NRP1: variants seen among roughly 807,000 people sequenced by gnomAD.
NRP1 encodes neuropilin-1.
NRP1 carries 35 observed loss-of-function variants against 106.7 expected under a neutral mutation model. That is an observed-to-expected ratio of 0.33 (90% CI 0.25 to 0.43). The LOEUF (loss-of-function observed/expected upper bound fraction) is 0.43. Ranked by LOEUF, NRP1 falls within the 20% of genes least tolerant of loss-of-function variation. The probability of loss-of-function intolerance (pLI) is 1.00; values close to 1 mark genes in which losing one functional copy is unlikely to be tolerated. For synonymous variants in NRP1, 437 were observed against 417.9 expected (o/e 1.05, Z -0.56); for missense variants, 1,024 against 1,170.4 (o/e 0.87, Z 1.83).
intron 8 of NRP1, among the ~76,000 whole-genome samples, chr10:33,215,553 A>G (rs1564390404): frequency 6.6e-6 from 1 of 152,216 alleles, no homozygotes; most frequent in Non-Finnish European, 1.5e-5. Context: ...TCCTTTAGAA[A>G]CTGTACATCC....
intron 3 of NRP1, among the ~76,000 whole-genome samples, chr10:33,269,823 C>T (rs377365728): frequency 3.3e-5 from 5 of 152,306 alleles, no homozygotes; most frequent in Admixed American, 6.5e-5. Flanking sequence ...ACTCCTTATA[C>T]GAGAATCTAA....
chr10:33,294,748 T>A (rs2132655097), intron 2 of NRP1, among the ~76,000 whole-genome samples: 1 of 152,090 alleles, frequency 6.6e-6, no homozygotes, highest in African/African-American at 2.4e-5. Context: ...CCCTGAAGGG[T>A]TCACCAGGCG....
rs139187411 is a variant in NRP1 at position 33,226,191 on chromosome 10, G to A, written c.1080C>T (p.Ile360=). The change falls in exon 7 of 17, where the codon ATC becomes ATT. Residue 360 remains isoleucine, a synonymous_variant. Coordinates refer to ENST00000374867, the MANE Select transcript of NRP1 (RefSeq NM_003873.7). ...KKKYYVKTYK[I]DVSSNGEDWI... ...AGTCTTCCCCGTTGGAGCTAACGTC[G>A]ATCTTGTAAGTCTTGACATAATATT... 1.9e-5 allele frequency: 31 copies of A among 1,613,982 alleles called. No individual in the cohort carries two copies. Among genetic ancestry groups the A allele is most frequent in the African/African-American group, 9.3e-5 (7 of 74,886 alleles).
In NRP1 at chr10:33,298,238, G is replaced by C. The variant is rs548004963; in HGVS notation, c.249-27382C>G. Among the ~76,000 whole-genome samples, 9 of 152,234 alleles carry C rather than the reference G, an allele frequency of 5.9e-5. No individual in the cohort carries two copies. In the South Asian group the frequency reaches 1.5e-3, roughly 25 times the overall value. On this transcript the variant is annotated intron_variant, in intron 2 of 16. Transcript: ENST00000374867. ...ACTGGGTGACTAGTGACTCCCTGCTGGGTAATCAGGTAGACCTCTGTCATC... is the reference window on the plus strand; with the variant it reads ...ACTGGGTGACTAGTGACTCCCTGCTCGGTAATCAGGTAGACCTCTGTCATC...
At chr10:33,247,911 C>T (rs1045569853) in intron 6 of NRP1, among the ~76,000 whole-genome samples, 7 of 152,214 alleles carry the variant, frequency 4.6e-5, no homozygotes, top group African/African-American at 1.7e-4. Flanking sequence ...CCCCACTGGG[C>T]CTCAGTTTTC....
Position 33,334,416 on chromosome 10 carries a change from A to G in NRP1, c.-34T>C. 6.5e-7 allele frequency: 1 copy of G among 1,529,180 alleles called. No individual in the cohort carries two copies. The allele number at this position is 1,529,180 out of a possible 1,614,324, so 94.7% of individuals were successfully genotyped here. A position where few individuals can be genotyped will look rare whatever the true frequency, so the allele number is the denominator to read the frequency against. ...CTCCGGGTCCGCAGGCAGACGCGGG[A>G]GAACGAGGACGTGGGGGGAAATGCA... On this transcript the variant is annotated 5_prime_UTR_variant, in exon 1 of 17. Coordinates refer to ENST00000374867, the MANE Select transcript of NRP1 (RefSeq NM_003873.7).
At chr10:33,211,265 C>T (rs1207836933) in intron 9 of NRP1, 1 of 152,158 alleles carries the variant, frequency 6.6e-6, no homozygotes, top group Non-Finnish European at 1.5e-5. Flanking sequence ...CTTTCTCTCT[C>T]AGAGCCCTAG....
intron 16 of NRP1, among the ~76,000 whole-genome samples, chr10:33,180,926 T>C (rs145053652): frequency 6.6e-6 from 1 of 152,314 alleles, no homozygotes; most frequent in African/African-American, 2.4e-5. Context: ...GAAGGAGTGA[T>C]TTTTTAGAAC....
intron 3 of NRP1, among the ~76,000 whole-genome samples, chr10:33,270,000 A>G (rs1843189138): frequency 1.3e-5 from 2 of 152,172 alleles, no homozygotes; most frequent in Non-Finnish European, 2.9e-5. Context: ...AATAAATGTA[A>G]TGCACTTGAA....
intron 6 of NRP1, among the ~76,000 whole-genome samples, chr10:33,228,630 T>A (rs998035079): frequency 2.6e-5 from 4 of 152,156 alleles, no homozygotes; most frequent in Non-Finnish European, 5.9e-5. Flanking sequence ...TAAATCAACA[T>A]GTTGTCTACA....
At chr10:33,246,129 T>TC in intron 6 of NRP1, among the ~76,000 whole-genome samples, 1 of 135,240 alleles carries the variant, frequency 7.4e-6, no homozygotes, top group East Asian at 3.0e-4. Flanking sequence ...GTAATTTCTT[T>TC]CTTTTTTTTT....
At chr10:33,303,392 A>C (rs1276796284) in intron 2 of NRP1, among the ~76,000 whole-genome samples, 2 of 152,184 alleles carry the variant, frequency 1.3e-5, no homozygotes, top group Non-Finnish European at 2.9e-5. Flanking sequence ...TCCATTTACT[A>C]TCTCATTATT....
intron 4 of NRP1, among the ~76,000 whole-genome samples, chr10:33,260,880 GGTT>G (rs1368841864): frequency 6.6e-6 from 1 of 151,578 alleles, no homozygotes; most frequent in East Asian, 1.9e-4. Context: ...CACGCCTTCT[GGTT>G]GTTGTTTTTG....
intron 2 of NRP1, among the ~76,000 whole-genome samples, chr10:33,281,908 G>C (rs1400626075): frequency 2.0e-5 from 3 of 152,178 alleles, no homozygotes; most frequent in African/African-American, 7.2e-5. Context: ...ACAGGCTATA[G>C]TGTAGGTAGT....
At chr10:33,226,393 A>C (rs779457719) in intron 6 of NRP1, 104 bp from the exon 7 acceptor site, 2 of 1,245,228 alleles carry the variant, frequency 1.6e-6, no homozygotes. Flanking sequence ...TCCACCTGGG[A>C]TCAACAGGGC....
At chr10:33,216,648 C>T (rs1314550026) in intron 8 of NRP1, among the ~76,000 whole-genome samples, 1 of 150,768 alleles carries the variant, frequency 6.6e-6, no homozygotes, top group Non-Finnish European at 1.5e-5. Flanking sequence ...CGCTATGTTG[C>T]CCAGGCTGCT....
At position 33,186,624 on chromosome 10, in the gene NRP1, G is replaced by A. The variant is rs922090896; in HGVS notation, c.2063-136C>T. The A allele has an allele frequency of 8.7e-6, 9 of 1,036,710 alleles. No homozygotes were observed. The African/African-American group carries it at 9.6e-5, about 11-fold the overall frequency. 64.2% of individuals were successfully genotyped at this position (1,036,710 alleles called of 1,614,324 possible). A position where few individuals can be genotyped will look rare whatever the true frequency, so the allele number is the denominator to read the frequency against. On this transcript the variant is annotated intron_variant, in intron 13 of 16. Transcript: ENST00000374867. ...CCAAATACGTAGTGGAAAGGGATAA[G>A]TGTGCACACTTGGGGACCTCATGGG...
At chr10:33,223,162 G>C (rs1261078259) in intron 7 of NRP1, among the ~76,000 whole-genome samples, 2 of 152,214 alleles carry the variant, frequency 1.3e-5, no homozygotes, top group African/African-American at 4.8e-5. Context: ...GCTCACTCGA[G>C]GCATGCAGCT....
At chr10:33,269,135 T>C (rs1843120220) in intron 3 of NRP1, among the ~76,000 whole-genome samples, 1 of 152,200 alleles carries the variant, frequency 6.6e-6, no homozygotes, top group Admixed American at 6.5e-5. Flanking sequence ...TGATCCTCTT[T>C]CCCTGGATTG....
Sources: gnomAD v4.1 joint callset for allele counts (sites outside exome capture counted in the v4.1 genomes callset) on GRCh38, gnomAD v4.1.1 for gene constraint, MANE v1.5 for transcripts, NCBI Gene and HGNC (gene_info 2026-07-23, HGNC 2026-07-21) for gene names.